The following PCDHA5 variants were observed in gnomAD, a reference collection of about 807,000 sequenced individuals.
PCDHA5 encodes protocadherin alpha-5.
In PCDHA5, 43 loss-of-function variants were observed where a neutral mutation model predicts 61.6. That is an observed-to-expected ratio of 0.70 (90% CI 0.55 to 0.90). The LOEUF is 0.90. Ranked by LOEUF, PCDHA5 falls within the 40% of genes least tolerant of loss-of-function variation. The pLI is 0.00. For synonymous variants in PCDHA5, 627 were observed against 543.9 expected, an observed-to-expected ratio of 1.15 and a Z score of -2.13; for missense variants, 1,298 against 1,222.7, an observed-to-expected ratio of 1.06 and a Z score of -0.92.
chr5:140,841,800 C>A, intron 1 of PCDHA5: 1 of 1,613,890 alleles, frequency 6.2e-7, no homozygotes, highest in South Asian at 1.1e-5. Flanking sequence ...GCGTCCGATG[C>A]AGATGTTGGA....
Position 140,823,772 on chromosome 5 carries a change from T to C in PCDHA5, c.1997T>C (p.Val666Ala). ...CTGACAGCCACAGCCACAGTGCTGG[T>C]GTCGCTGGTGGAAAGTGGCCAGGCG... ...PPLTATATVL[V>A]SLVESGQAPK... The change falls in exon 1 of 4, where the codon GTG (valine) becomes GCG (alanine). Residue 666 changes from valine to alanine, a missense_variant. By Grantham distance (64) the Val-to-Ala change is moderately conservative (BLOSUM62 0). Coordinates refer to ENST00000529859, the MANE Select transcript of PCDHA5 (RefSeq NM_018908.3). 1 of 1,613,812 alleles carries C rather than the reference T, an allele frequency of 6.2e-7. No homozygotes were observed. The highest frequency in any genetic ancestry group is 8.5e-7 in the Non-Finnish European group (1 of 1,179,922).
rs2150249595 is a variant in PCDHA5 at position 140,835,988 on chromosome 5, G to A, written c.2352+11861G>A. Reference sequence around the variant, plus strand: ...AGCTGGAGCTGTTGCAGTTCCAGGTGAGCGCGCGCGATGCGGGCGTGCCGC... The same window carrying A: ...AGCTGGAGCTGTTGCAGTTCCAGGTAAGCGCGCGCGATGCGGGCGTGCCGC... On this transcript the variant is annotated intron_variant, in intron 1 of 3. Transcript: ENST00000529859. 6.1e-5 allele frequency: 99 copies of A among 1,613,224 alleles called. 1 individual carries two copies. The highest frequency in any genetic ancestry group is 7.6e-5 in the Non-Finnish European group (90 of 1,179,718).
At chr5:140,830,468 G>A in intron 1 of PCDHA5, 1 of 1,571,084 alleles carries the variant, frequency 6.4e-7, no homozygotes, top group South Asian at 1.2e-5. Flanking sequence ...GGATTTAAAT[G>A]AAGATCATGA....
chr5:140,875,749 G>A (rs782793601), intron 1 of PCDHA5: 3 of 1,614,264 alleles, frequency 1.9e-6, no homozygotes, highest in African/African-American at 1.3e-5. Flanking sequence ...GATCGACCGC[G>A]AGAAGCTGTG....
At chr5:140,950,384 T>C (rs1242946878) in intron 1 of PCDHA5, among the ~76,000 whole-genome samples, 8 of 152,028 alleles carry the variant, frequency 5.3e-5, no homozygotes, top group Non-Finnish European at 8.8e-5. Context: ...TCCATTTGAA[T>C]GATATAGAAT....
At chr5:140,836,195 C>A (rs2150255060) in intron 1 of PCDHA5, 3 of 1,613,858 alleles carry the variant, frequency 1.9e-6, no homozygotes, top group Admixed American at 1.7e-5. Context: ...CAGGCTACAA[C>A]GCGTGGCTTT....
chr5:140,829,000 G>C, intron 1 of PCDHA5: 1 of 1,613,886 alleles, frequency 6.2e-7, no homozygotes. Context: ...GAGAAATAGT[G>C]ATTCGGGGTA....
chr5:140,834,406 A>G, intron 1 of PCDHA5: 1 of 1,610,156 alleles, frequency 6.2e-7, no homozygotes, highest in Non-Finnish European at 8.5e-7. Context: ...AATGGATACG[A>G]CCCAGGGGGC....
chr5:140,829,545 A>G (rs1286115535), intron 1 of PCDHA5: 6 of 1,612,828 alleles, frequency 3.7e-6, no homozygotes, highest in Non-Finnish European at 5.1e-6. Flanking sequence ...GCGGACGCGC[A>G]GGAGAACGCG....
intron 1 of PCDHA5, among the ~76,000 whole-genome samples, chr5:140,891,360 G>T (rs2063061562): frequency 6.6e-6 from 1 of 151,060 alleles, no homozygotes; most frequent in Admixed American, 6.6e-5. Context: ...CATCACCTGA[G>T]CAGTATACAT....
chr5:140,862,787 A>G, intron 1 of PCDHA5: 1 of 578,112 alleles, frequency 1.7e-6, no homozygotes. Context: ...CCACTGGACT[A>G]CGAGGAGCTG....
At chr5:140,936,242 T>C (rs2090852443) in intron 1 of PCDHA5, among the ~76,000 whole-genome samples, 1 of 152,196 alleles carries the variant, frequency 6.6e-6, no homozygotes, top group African/African-American at 2.4e-5. Flanking sequence ...AAAGAAAACA[T>C]ATCCTGCTTC....
At chr5:140,989,582 G>A (rs1554250917) in intron 3 of PCDHA5, among the ~76,000 whole-genome samples, 1 of 152,200 alleles carries the variant, frequency 6.6e-6, no homozygotes, top group Non-Finnish European at 1.5e-5. Flanking sequence ...CCTGTCCTCA[G>A]CCTCACTGAC....
intron 1 of PCDHA5, among the ~76,000 whole-genome samples, chr5:140,840,200 G>T (rs1412931294): frequency 6.6e-6 from 1 of 151,990 alleles, no homozygotes; most frequent in South Asian, 2.1e-4. Flanking sequence ...CAAAGGAAAA[G>T]AAGTCATAAA....
At chr5:140,870,248 G>T in intron 1 of PCDHA5, 1 of 1,614,190 alleles carries the variant, frequency 6.2e-7, no homozygotes, top group South Asian at 1.1e-5. Context: ...GGTGTCAACG[G>T]ACAGGTGACC....
chr5:140,938,443 A>C (rs1324427427), intron 1 of PCDHA5, among the ~76,000 whole-genome samples: 1 of 152,180 alleles, frequency 6.6e-6, no homozygotes, highest in African/African-American at 2.4e-5. Context: ...AGATTTATTA[A>C]GTTCCCTTTG....
At chr5:140,999,173 T>G (rs892201477) in intron 3 of PCDHA5, among the ~76,000 whole-genome samples, 20 of 152,158 alleles carry the variant, frequency 1.3e-4, no homozygotes, top group African/African-American at 4.3e-4. Context: ...GAAAAGAGCC[T>G]GATGGGGAGA....
At position 140,836,007 on chromosome 5, in the gene PCDHA5, G is replaced by T. The variant is rs2150250458; in HGVS notation, c.2352+11880G>T. The T allele has an allele frequency of 5.0e-5, 81 of 1,613,178 alleles. 3 individuals are homozygous for T. In the East Asian group the frequency reaches 1.3e-3, roughly 27 times the overall value. On this transcript the variant is annotated intron_variant, in intron 1 of 3. Transcript: ENST00000529859. ...CCAGGTGAGCGCGCGCGATGCGGGC[G>T]TGCCGCCTCTGGGCAGCAACGTGAC...
In PCDHA5 at chr5:140,823,418, T is replaced by C; in HGVS notation, c.1643T>C (p.Val548Ala). 1 of 1,613,286 alleles carries C rather than the reference T, an allele frequency of 6.2e-7. No individual in the cohort carries two copies. The highest frequency in any genetic ancestry group is 8.5e-7 in the Non-Finnish European group (1 of 1,179,794). ...DAGVPPLGSN[V>A]TLQVFVLDEN... ...GGCGTGCCGCCTCTGGGCAGCAACG[T>C]GACGCTGCAGGTGTTCGTGCTGGAC... The change falls in exon 1 of 4, where the codon GTG becomes GCG. Residue 548 changes from valine to alanine, a missense_variant. Transcript: ENST00000529859.
Sources: allele counts gnomAD v4.1 joint callset (sites outside exome capture counted in the v4.1 genomes callset), GRCh38; gene constraint gnomAD v4.1.1; transcripts MANE v1.5; gene names NCBI Gene and HGNC (gene_info 2026-07-23, HGNC 2026-07-21).